The following METTL1 variants were observed in gnomAD, a reference collection of about 807,000 sequenced individuals.
The protein encoded by METTL1 is methyltransferase 1, tRNA methylguanosine.
In METTL1, 14 loss-of-function variants were observed where a neutral mutation model predicts 27.7. That is an observed-to-expected ratio of 0.51 (90% confidence interval 0.33 to 0.79). The LOEUF is 0.79. Ranked by LOEUF, METTL1 falls within the 30% of genes least tolerant of loss-of-function variation. METTL1 has a pLI of 0.02. For synonymous variants in METTL1, 138 were observed against 137.0 expected, an observed-to-expected ratio of 1.01 and a Z score of -0.05; for missense variants, 333 against 359.6, an observed-to-expected ratio of 0.93 and a Z score of 0.60.
intron 2 of METTL1, 40 bp downstream of exon 2, chr12:57,771,054 T>C (rs1595123927): frequency 6.3e-7 from 1 of 1,598,142 alleles, no homozygotes; most frequent in Admixed American, 1.8e-5. Flanking sequence ...CAGAAGCTAC[T>C]AGGCCTCTTC....
intron 2 of METTL1, chr12:57,770,867 G>C: frequency 2.1e-6 from 1 of 467,208 alleles, no homozygotes; most frequent in Non-Finnish European, 3.9e-6. Flanking sequence ...AGGGATTGAC[G>C]CCAGAAAGGA....
In METTL1 at chr12:57,772,050, C is replaced by T. The variant is rs1478439962; in HGVS notation, c.34G>A (p.Glu12Lys). ...AAETRNVAGAEAPPPQKRYYR... is the reference protein window; with the variant it reads ...AAETRNVAGAKAPPPQKRYYR... The stretch of plus-strand genomic sequence containing the variant: ...TAGCGCTTCTGGGGCGGTGGGGCCT[C>T]TGCTCCGGCCACGTTCCGAGTCTCG... Residue 12 changes from glutamate to lysine, a missense_variant, in exon 1 of 6, where the codon GAG becomes AAG. Glu to Lys is a moderately conservative substitution (Grantham distance 56). Coordinates refer to ENST00000324871, the MANE Select transcript of METTL1 (RefSeq NM_005371.6). The surrounding 1 kb of genome is among the most constrained non-coding windows in gnomAD (Gnocchi z 4.1). 6.4e-7 allele frequency: 1 copy of T among 1,556,820 alleles called. No individual in the cohort carries two copies. Among genetic ancestry groups the T allele is most frequent in the South Asian group, 1.2e-5 (1 of 83,100 alleles).
chr12:57,768,917 C>G lies in METTL1; in HGVS notation c.*79G>C, dbSNP rs759986559. On this transcript the variant is annotated 3_prime_UTR_variant, in exon 6 of 6. Coordinates refer to ENST00000324871, the MANE Select transcript of METTL1 (RefSeq NM_005371.6). ...AGTACTGTGTCTCAGCTCCAGCAGT[C>G]TCAACTGGGAAGACCCAGGACTCCT... is the stretch of plus-strand genomic sequence containing the variant. The G allele has an allele frequency of 2.6e-6, 4 of 1,523,822 alleles. No homozygotes were observed. The highest frequency in any genetic ancestry group is 2.5e-5 in the South Asian group (2 of 79,874). The allele number at this position is 1,523,822 out of a possible 1,614,324, so 94.4% of individuals were successfully genotyped here.
rs1263751788 is a variant in METTL1, at chr12:57,769,315, A to G, written c.663T>C (p.Pro221=). The G allele has an allele frequency of 1.2e-6, 2 of 1,613,978 alleles. No homozygotes were observed. Among genetic ancestry groups the G allele is most frequent in the Non-Finnish European group, 1.7e-6 (2 of 1,179,994 alleles). The change falls in exon 5 of 6, where the codon CCT becomes CCC. Residue 221 remains proline (P), a synonymous_variant. Transcript: ENST00000324871. ...FEEHPLFERV[P]LEDLSEDPVV... ...GTCCCCTACTCACCAGGTCCTCCAG[A>G]GGCACACGCTCAAACAGTGGGTGCT...
In METTL1 at chr12:57,768,652, G is replaced by C; in HGVS notation, c.*344C>G. On this transcript the variant is annotated 3_prime_UTR_variant, in exon 6 of 6. Transcript: ENST00000324871. ...AAGTGGTAATTGAGCCTAGCAAGCA[G>C]TTTAGATGGACTACATTCCTCATTC... 1 of 261,566 alleles carries C rather than the reference G, an allele frequency of 3.8e-6. No individual in the cohort carries two copies. The highest frequency in any genetic ancestry group is 6.9e-5 in the East Asian group (1 of 14,556). 16.2% of individuals were successfully genotyped at this position (261,566 alleles called of 1,614,324 possible).
intron 1 of METTL1, 149 bp downstream of exon 1, chr12:57,771,825 G>C: frequency 8.8e-7 from 1 of 1,135,578 alleles, no homozygotes; most frequent in Non-Finnish European, 1.2e-6. Flanking sequence ...TCTCTCGGTC[G>C]AATCTCCCGG....
chr12:57,771,004 A>T, intron 2 of METTL1, 90 bp downstream of exon 2: 1 of 1,426,386 alleles, frequency 7.0e-7, no homozygotes, highest in Non-Finnish European at 9.6e-7. Flanking sequence ...ACGAAAGGGG[A>T]AAGGCCAATT....
At chr12:57,771,317 A>G (rs1955428015) in intron 1 of METTL1, 60 bp from the exon 2 acceptor site, 1 of 1,447,470 alleles carries the variant, frequency 6.9e-7, no homozygotes, top group African/African-American at 1.4e-5. Flanking sequence ...CAGAAGTGGT[A>G]CTGTGAGAGT....
At chr12:57,771,634 C>T in intron 1 of METTL1, 1 of 1,534,758 alleles carries the variant, frequency 6.5e-7, no homozygotes. Context: ...AGGTAAGGTG[C>T]GGGCAGGATT....
At chr12:57,769,716 C>T (rs760684489) in intron 3 of METTL1, 38 bp from the exon 4 acceptor site, 2 of 1,606,326 alleles carry the variant, frequency 1.2e-6, no homozygotes, top group South Asian at 1.1e-5. Flanking sequence ...TTGTGAGAGC[C>T]TGGCCTCCAT....
chr12:57,771,348 G>GGGTGGA, intron 1 of METTL1, 91 bp from the exon 2 acceptor site: 1 of 670,848 alleles, frequency 1.5e-6, no homozygotes, highest in Non-Finnish European at 2.5e-6. Flanking sequence ...GTGAGGGTGG[G>GGGTGGA]AGGTAAAAGG....
intron 2 of METTL1, among the ~76,000 whole-genome samples, chr12:57,770,415 T>A (rs1955415891): frequency 6.6e-6 from 1 of 152,122 alleles, no homozygotes; most frequent in South Asian, 2.1e-4. Flanking sequence ...CAGGTTCAAG[T>A]AATTCTCCTG....
chr12:57,770,453 A>C (rs1332935495), intron 2 of METTL1, among the ~76,000 whole-genome samples: 1 of 152,094 alleles, frequency 6.6e-6, no homozygotes. Flanking sequence ...GCTGGTCTTG[A>C]ACTCCTGGCC....
intron 2 of METTL1, among the ~76,000 whole-genome samples, chr12:57,770,437 T>C (rs1267112909): frequency 6.6e-6 from 1 of 152,148 alleles, no homozygotes; most frequent in Non-Finnish European, 1.5e-5. Context: ...CTCAGCCTCC[T>C]GAGTAGCTGG....
At chr12:57,771,403 T>C (rs1299869935) in intron 1 of METTL1, 146 bp from the exon 2 acceptor site, 1 of 1,462,188 alleles carries the variant, frequency 6.8e-7, no homozygotes, top group Non-Finnish European at 9.0e-7. Flanking sequence ...CCCTGTGGCC[T>C]CTAAGAGGGA....
intron 2 of METTL1, chr12:57,770,739 G>A: frequency 4.9e-6 from 1 of 203,452 alleles, no homozygotes; most frequent in South Asian, 1.0e-4. Flanking sequence ...AAGGGGAGGG[G>A]AGATGGTAGA....
In METTL1 at chr12:57,768,757, G is replaced by T; in HGVS notation, c.*239C>A. The T allele has an allele frequency of 2.1e-6, 1 of 465,652 alleles. No individual in the cohort carries two copies. 28.8% of individuals were successfully genotyped at this position (465,652 alleles called of 1,614,324 possible). ...CACAGCCTTCCAAAGATCCCCTATG[G>T]TCCAAAGTCCTTTGACCATCTCAGT... On this transcript the variant is annotated 3_prime_UTR_variant, in exon 6 of 6. Transcript: ENST00000324871.
chr12:57,771,700 G>C, intron 1 of METTL1: 1 of 1,481,108 alleles, frequency 6.8e-7, no homozygotes, highest in South Asian at 1.3e-5. Context: ...AGATGGAAAC[G>C]ACATTCTGCC....
At chr12:57,771,822 G>A in intron 1 of METTL1, 152 bp downstream of exon 1, 1 of 1,131,568 alleles carries the variant, frequency 8.8e-7, no homozygotes, top group Non-Finnish European at 1.2e-6. Flanking sequence ...TCCTCTCTCG[G>A]TCGAATCTCC....
Sources: allele counts gnomAD v4.1 joint callset (sites outside exome capture counted in the v4.1 genomes callset), GRCh38; gene constraint gnomAD v4.1.1; non-coding constraint Gnocchi (gnomAD v3.1); transcripts MANE v1.5; gene names NCBI Gene and HGNC (gene_info 2026-07-23, HGNC 2026-07-21).